Variants in HHIPL1 observed in about 807,000 individuals in gnomAD.
HHIPL1 encodes the protein HHIP-like protein 1.
HHIPL1 carries 43 observed loss-of-function variants against 61.8 expected under a neutral mutation model. The observed-to-expected ratio is 0.70, with a 90% CI of 0.55 to 0.90. HHIPL1 has a LOEUF of 0.90. Ranked by LOEUF, HHIPL1 falls within the 40% of genes least tolerant of loss-of-function variation. HHIPL1 has a pLI of 0.00. For missense variants in HHIPL1, 1,056 were observed against 1,157.7 expected (o/e 0.91, Z 1.28); for synonymous variants, 482 against 515.8 (o/e 0.93, Z 0.89).
the HHIPL1 span, among the ~76,000 whole-genome samples, chr14:99,626,357 T>A: frequency 6.6e-6 from 1 of 152,250 alleles, no homozygotes; most frequent in East Asian, 1.9e-4. Context: ...CCAGCTTCCC[T>A]GCTCCCATCA....
the HHIPL1 span, among the ~76,000 whole-genome samples, chr14:99,632,042 G>A: frequency 6.6e-6 from 1 of 152,288 alleles, no homozygotes; most frequent in East Asian, 1.9e-4. Flanking sequence ...GCCAGTGGGG[G>A]TGAGACCAGC....
the HHIPL1 span, among the ~76,000 whole-genome samples, chr14:99,619,226 G>T: frequency 6.6e-6 from 1 of 152,062 alleles, no homozygotes; most frequent in African/African-American, 2.4e-5. Flanking sequence ...AGCTTGGGAG[G>T]CTGAGGCAGG....
At chr14:99,669,046 C>T in intron 7 of HHIPL1, 3 of 1,466,636 alleles carry the variant, frequency 2.0e-6, no homozygotes, top group African/African-American at 1.4e-5. Context: ...CCTCTTCAAG[C>T]ACCTTCCCCA....
chr14:99,623,919 G>A, the HHIPL1 span, among the ~76,000 whole-genome samples: 2 of 152,184 alleles, frequency 1.3e-5, no homozygotes, highest in Admixed American at 6.5e-5. Context: ...CTATTAAAAC[G>A]TAAATATTTT....
the HHIPL1 span, among the ~76,000 whole-genome samples, chr14:99,635,467 T>G: frequency 3.3e-5 from 5 of 152,094 alleles, no homozygotes; most frequent in African/African-American, 1.2e-4. Flanking sequence ...AAAGTGACCC[T>G]CAGAGCATCC....
chr14:99,634,122 C>T, the HHIPL1 span, among the ~76,000 whole-genome samples: 3 of 152,182 alleles, frequency 2.0e-5, no homozygotes, highest in African/African-American at 2.4e-5. Flanking sequence ...ATCTCCCAGC[C>T]GAGGTCCCCC....
At chr14:99,663,887 G>A (rs1595164286) in intron 6 of HHIPL1, among the ~76,000 whole-genome samples, 1 of 152,226 alleles carries the variant, frequency 6.6e-6, no homozygotes, top group Non-Finnish European at 1.5e-5. Context: ...GGAAATGCAG[G>A]CAGGTGTGGA....
chr14:99,619,100 TC>T, the HHIPL1 span, among the ~76,000 whole-genome samples: 2 of 152,004 alleles, frequency 1.3e-5, no homozygotes, highest in Non-Finnish European at 2.9e-5. Context: ...TCACTATCCC[TC>T]CCGACACCCC....
the HHIPL1 span, among the ~76,000 whole-genome samples, chr14:99,613,998 A>G: frequency 0.97 from 148,496 of 152,314 alleles, 72,501 homozygotes; most frequent in East Asian, 1. Flanking sequence ...AATGATAAAG[A>G]AGGAAGCTGA....
At position 99,652,236 on chromosome 14, in the gene HHIPL1, T is replaced by G; in HGVS notation, c.268T>G (p.Tyr90Asp). 6.2e-7 allele frequency: 1 copy of G among 1,601,908 alleles called. No homozygotes were observed. Among genetic ancestry groups the G allele is most frequent in the Non-Finnish European group, 8.5e-7 (1 of 1,172,416 alleles). Reference protein sequence around the residue: ...RDLLCQECSPYAAHLYDAEDP... With the variant: ...RDLLCQECSPDAAHLYDAEDP... Reference sequence around the variant, plus strand: ...ACTGTCTCTGCAGGAATGCTCGCCGTATGCAGCCCACCTCTATGACGCCGA... The same window carrying G: ...ACTGTCTCTGCAGGAATGCTCGCCGGATGCAGCCCACCTCTATGACGCCGA... The change falls in exon 2 of 9, where the codon TAT (tyrosine) becomes GAT (aspartate). Residue 90 changes from tyrosine (Y) to aspartate (D), a missense_variant. Tyr to Asp is a radical substitution (Grantham distance 160). Transcript: ENST00000330710.
the HHIPL1 span, among the ~76,000 whole-genome samples, chr14:99,630,358 G>T: frequency 6.6e-6 from 1 of 152,154 alleles, no homozygotes; most frequent in African/African-American, 2.4e-5. Flanking sequence ...ATCTGACTCC[G>T]CCTCCTCTGT....
chr14:99,652,298 C>G lies in HHIPL1; in HGVS notation c.330C>G (p.Leu110=). The part of the protein sequence containing the change: ...PFTPLRTVPG[L]CQDYCLDMWH... Reference sequence around the variant, plus strand: ...CGCCCCTGCGCACGGTGCCCGGGCTCTGCCAGGATTACTGCCTGGACATGT... The same window carrying G: ...CGCCCCTGCGCACGGTGCCCGGGCTGTGCCAGGATTACTGCCTGGACATGT... The change falls in exon 2 of 9, where the codon CTC becomes CTG. Residue 110 remains leucine, a synonymous_variant. Coordinates refer to ENST00000330710, the MANE Select transcript of HHIPL1 (RefSeq NM_001127258.3). 1 of 1,614,058 alleles carries G rather than the reference C, an allele frequency of 6.2e-7. No homozygotes were observed. The highest frequency in any genetic ancestry group is 8.5e-7 in the Non-Finnish European group (1 of 1,180,036).
At position 99,668,987 on chromosome 14, in the gene HHIPL1, T is replaced by C. The variant is rs556450031; in HGVS notation, c.1730+684T>C. The C allele has an allele frequency of 6.4e-7, 1 of 1,566,628 alleles. No individual in the cohort carries two copies. The highest frequency in any genetic ancestry group is 2.4e-5 in the East Asian group (1 of 42,396). ...AGGGCCAGGGTGGGGCCCAGGCCACTGGCTCCAGAGCCCTGCCCTAACCCC... is the reference window on the plus strand; with the variant it reads ...AGGGCCAGGGTGGGGCCCAGGCCACCGGCTCCAGAGCCCTGCCCTAACCCC... On this transcript the variant is annotated intron_variant, in intron 7 of 8. Coordinates refer to ENST00000330710, the MANE Select transcript of HHIPL1 (RefSeq NM_001127258.3). This position sits in a 1 kb window ranked among gnomAD's most constrained non-coding sequence, Gnocchi z 4.7.
the HHIPL1 span, among the ~76,000 whole-genome samples, chr14:99,639,149 A>G: frequency 6.6e-6 from 1 of 152,226 alleles, no homozygotes; most frequent in Non-Finnish European, 1.5e-5. Context: ...ACTGGTGGAG[A>G]CCGGGGAACC....
In HHIPL1 at chr14:99,652,880, T is replaced by C. The variant is rs1254637480; in HGVS notation, c.902+10T>C. 1.9e-6 allele frequency: 3 copies of C among 1,608,670 alleles called. No individual in the cohort carries two copies. The highest frequency in any genetic ancestry group is 2.7e-5 in the African/African-American group (2 of 74,846). ...ACCACAGCTCTGAGAGGTGGCTTCC[T>C]TGGGGAACCCGGGCCTGGGTGGGGG... On this transcript the variant is annotated intron_variant, in intron 2 of 8. Coordinates refer to ENST00000330710, the MANE Select transcript of HHIPL1 (RefSeq NM_001127258.3).
chr14:99,637,033 A>G, the HHIPL1 span, among the ~76,000 whole-genome samples: 2 of 130,766 alleles, frequency 1.5e-5, no homozygotes, highest in African/African-American at 2.8e-5. Context: ...GAAAGAAAGA[A>G]AGAAAGAAAG....
intron 1 of HHIPL1, among the ~76,000 whole-genome samples, chr14:99,646,430 T>C (rs952997826): frequency 6.6e-6 from 1 of 152,246 alleles, no homozygotes; most frequent in Non-Finnish European, 1.5e-5. Context: ...CCTGGCTCTG[T>C]CACTTCCCCA....
the HHIPL1 span, among the ~76,000 whole-genome samples, chr14:99,606,974 T>C: frequency 1.4e-5 from 2 of 144,678 alleles, no homozygotes; most frequent in African/African-American, 5.1e-5. Flanking sequence ...CCTGGAGTAC[T>C]CACAGCCCAA....
intron 3 of HHIPL1, among the ~76,000 whole-genome samples, 177 bp from the exon 4 acceptor site, chr14:99,659,251 G>T (rs1269634050): frequency 6.6e-6 from 1 of 152,224 alleles, no homozygotes. Flanking sequence ...TGAATGAATG[G>T]TTACCCGGCT....
Sources: allele counts gnomAD v4.1 joint callset (sites outside exome capture counted in the v4.1 genomes callset), GRCh38; gene constraint gnomAD v4.1.1; non-coding constraint Gnocchi (gnomAD v3.1); transcripts MANE v1.5; gene names NCBI Gene and HGNC (gene_info 2026-07-23, HGNC 2026-07-21).